PLD5: variants seen among roughly 807,000 people sequenced by gnomAD.
PLD5 encodes inactive phospholipase D5.
A neutral mutation model predicts 61.1 loss-of-function variants in PLD5; 36 were observed. The ratio of observed to expected loss-of-function variants is 0.59; its 90% CI spans 0.45 to 0.78. The LOEUF is 0.78. PLD5 is among the 30% of genes least tolerant of loss of function. PLD5 has a pLI of 0.00. For missense variants in PLD5, 515 were observed against 644.4 expected (o/e 0.80, Z 2.17); for synonymous variants, 243 against 242.8 (o/e 1.00, Z -0.01).
chr1:242,426,763 G>A (rs1226395478), intron 1 of PLD5, among the ~76,000 whole-genome samples: 4 of 152,140 alleles, frequency 2.6e-5, no homozygotes, highest in Non-Finnish European at 5.9e-5. Flanking sequence ...AGATCATTGG[G>A]GCAGAGACTA....
chr1:242,379,313 G>A (rs1349402829), intron 1 of PLD5, among the ~76,000 whole-genome samples: 1 of 152,124 alleles, frequency 6.6e-6, no homozygotes, highest in East Asian at 1.9e-4. Flanking sequence ...AGCACACCAG[G>A]ACCTTGGTTG....
At chr1:242,400,183 GAAAAGA>G (rs892876006) in intron 1 of PLD5, among the ~76,000 whole-genome samples, 44 of 113,686 alleles carry the variant, frequency 3.9e-4, no homozygotes, top group South Asian at 2.2e-3. Flanking sequence ...TCTCTCAAAA[GAAAAGA>G]AAAAAAAAAA....
chr1:242,447,685 C>CA (rs1292165198), intron 1 of PLD5, among the ~76,000 whole-genome samples: 9 of 152,332 alleles, frequency 5.9e-5, no homozygotes, highest in Non-Finnish European at 1.3e-4. Flanking sequence ...AGCTTGCAGT[C>CA]ACTCTTAGTT....
intron 1 of PLD5, among the ~76,000 whole-genome samples, chr1:242,400,990 G>A (rs1384272499): frequency 6.6e-6 from 1 of 152,066 alleles, no homozygotes; most frequent in East Asian, 1.9e-4. Flanking sequence ...TCTGAGCCCT[G>A]GACTGTTCTA....
At chr1:242,493,450 G>A (rs1228116819) in intron 1 of PLD5, among the ~76,000 whole-genome samples, 1 of 152,186 alleles carries the variant, frequency 6.6e-6, no homozygotes, top group African/African-American at 2.4e-5. Context: ...CATCCAAAGG[G>A]TCAGAGGGAA....
chr1:242,158,611 C>T (rs1271660358), intron 5 of PLD5, among the ~76,000 whole-genome samples: 3 of 152,122 alleles, frequency 2.0e-5, no homozygotes, highest in African/African-American at 4.8e-5. Flanking sequence ...GGCAATGCCC[C>T]ACCCTGCTTC....
chr1:242,093,029 C>A (rs1008947106), intron 9 of PLD5, among the ~76,000 whole-genome samples: 1 of 152,166 alleles, frequency 6.6e-6, no homozygotes, highest in African/African-American at 2.4e-5. Context: ...AACAGCACAA[C>A]GGTACTATCA....
chr1:242,145,280 G>A (rs746062816), intron 5 of PLD5, among the ~76,000 whole-genome samples: 68 of 152,174 alleles, frequency 4.5e-4, no homozygotes, highest in Non-Finnish European at 7.9e-4. Flanking sequence ...AATAAAGGCT[G>A]TCACTTCAAG....
chr1:242,375,270 T>G (rs12130795), intron 1 of PLD5, among the ~76,000 whole-genome samples: 7,956 of 152,206 alleles, frequency 0.052, 282 homozygotes, highest in Middle Eastern at 0.078. Flanking sequence ...GTGCAGTCAG[T>G]CAGCCGTGCC....
chr1:242,297,398 C>T (rs1675737060), intron 2 of PLD5, among the ~76,000 whole-genome samples: 1 of 84,608 alleles, frequency 1.2e-5, no homozygotes, highest in Non-Finnish European at 2.1e-5. Flanking sequence ...TATCACCCTT[C>T]AAGACTTTTT....
chr1:242,130,615 T>C (rs1663161133), intron 5 of PLD5, among the ~76,000 whole-genome samples: 1 of 152,120 alleles, frequency 6.6e-6, no homozygotes, highest in South Asian at 2.1e-4. Flanking sequence ...ACATCTATTA[T>C]TTTTTTAATT....
chr1:242,144,253 A>AT (rs869205956), intron 5 of PLD5, among the ~76,000 whole-genome samples: 1,672 of 89,738 alleles, frequency 0.019, 19 homozygotes, highest in Non-Finnish European at 0.029. Flanking sequence ...CTCAAATTTT[A>AT]TTTTTTTTTT....
intron 4 of PLD5, among the ~76,000 whole-genome samples, chr1:242,260,870 T>C (rs1458469593): frequency 1.3e-5 from 2 of 152,186 alleles, no homozygotes; most frequent in Admixed American, 6.5e-5. Flanking sequence ...GAAATTTATG[T>C]CATATTAAAA....
At chr1:242,403,938 A>G (rs1664083582) in intron 1 of PLD5, among the ~76,000 whole-genome samples, 1 of 152,202 alleles carries the variant, frequency 6.6e-6, no homozygotes, top group African/African-American at 2.4e-5. Flanking sequence ...TACACAAACC[A>G]CATTCCAGAG....
intron 1 of PLD5, among the ~76,000 whole-genome samples, chr1:242,441,277 T>G (rs960770564): frequency 6.6e-5 from 10 of 152,150 alleles, no homozygotes; most frequent in Non-Finnish European, 1.5e-5. Context: ...GATGAAAGAT[T>G]TAACCTACTG....
rs529089215 is a variant in PLD5, at chr1:242,085,870, G to A, written c.*3984C>T. 8.6e-5 allele frequency: 11 copies of A among 127,238 alleles called. No individual in the cohort carries two copies. The highest frequency in any genetic ancestry group is 2.6e-4 in the South Asian group (1 of 3,862). The allele number at this position is 127,238 out of a possible 1,614,324, so 7.9% of individuals were successfully genotyped here. On this transcript the variant is annotated 3_prime_UTR_variant, in exon 10 of 10. Transcript: ENST00000536534. ...CAGAAACACACACCAGTGGTCATAC[G>A]TGTGGAAAAAAAAAAAAGTTAATTG...
chr1:242,113,464 A>G (rs1661702776), intron 7 of PLD5, among the ~76,000 whole-genome samples: 1 of 152,240 alleles, frequency 6.6e-6, no homozygotes. Flanking sequence ...AATATAAAAC[A>G]ACAATGCTTC....
In PLD5 at chr1:242,089,712, T is replaced by G; in HGVS notation, c.*142A>C. Reference sequence around the variant, plus strand: ...CGACGCTAAGATATTGTTAGATAGGTATTATGTGTTGTTCAGAGAATATTT... The same window carrying G: ...CGACGCTAAGATATTGTTAGATAGGGATTATGTGTTGTTCAGAGAATATTT... On this transcript the variant is annotated 3_prime_UTR_variant, in exon 10 of 10. Coordinates refer to ENST00000536534, the MANE Select transcript of PLD5 (RefSeq NM_001372062.1). 1 of 1,012,254 alleles carries G rather than the reference T, an allele frequency of 9.9e-7. No homozygotes were observed. The highest frequency in any genetic ancestry group is 1.5e-6 in the Non-Finnish European group (1 of 681,832). 62.7% of individuals were successfully genotyped at this position (1,012,254 alleles called of 1,614,324 possible).
chr1:242,503,918 C>T (rs1668638753), intron 1 of PLD5, among the ~76,000 whole-genome samples: 1 of 152,178 alleles, frequency 6.6e-6, no homozygotes, highest in South Asian at 2.1e-4. Flanking sequence ...GAATTAACAA[C>T]TCTTCACATT....
Sources: allele counts gnomAD v4.1 joint callset (sites outside exome capture counted in the v4.1 genomes callset), GRCh38; gene constraint gnomAD v4.1.1; transcripts MANE v1.5; gene names NCBI Gene and HGNC (gene_info 2026-07-23, HGNC 2026-07-21).